Variants in RANBP2 observed in about 807,000 individuals in gnomAD.
RANBP2 encodes the protein RAN binding protein 2.
Under a neutral mutation model 303.6 loss-of-function variants are expected in RANBP2, and 57 were observed. The observed-to-expected ratio is 0.19, with a 90% CI of 0.15 to 0.23. RANBP2 has a LOEUF of 0.23. Ranked by LOEUF, RANBP2 falls within the 10% of genes least tolerant of loss-of-function variation. The probability of loss-of-function intolerance (pLI) is 1.00; values close to 1 mark genes in which losing one functional copy is unlikely to be tolerated. For synonymous variants in RANBP2, 1,167 were observed against 1,301.5 expected, an observed-to-expected ratio of 0.90 and a Z score of 2.23; for missense variants, 3,138 against 3,780.8, an observed-to-expected ratio of 0.83 and a Z score of 4.46.
the RANBP2 span, among the ~76,000 whole-genome samples, chr2:109,243,224 T>C: frequency 0.055 from 8,400 of 152,326 alleles, 498 homozygotes; most frequent in East Asian, 0.32. Context: ...GCAGATCCCC[T>C]GCCTCAGTAG....
chr2:108,901,975 C>T, the RANBP2 span, among the ~76,000 whole-genome samples: 1 of 151,870 alleles, frequency 6.6e-6, no homozygotes, highest in Non-Finnish European at 1.5e-5. Context: ...CATGGTGGCT[C>T]AAGCCTGTAA....
the RANBP2 span, among the ~76,000 whole-genome samples, chr2:109,219,629 A>C: frequency 1.3e-5 from 2 of 152,242 alleles, no homozygotes; most frequent in Non-Finnish European, 2.9e-5. Flanking sequence ...TAAAGCTCAC[A>C]GTTCAGTTGT....
At chr2:109,448,407 T>C in the RANBP2 span, among the ~76,000 whole-genome samples, 1 of 152,218 alleles carries the variant, frequency 6.6e-6, no homozygotes, top group South Asian at 2.1e-4. Flanking sequence ...AGGTTGTGAG[T>C]GGTGGGTGAG....
chr2:109,505,242 G>C, the RANBP2 span, among the ~76,000 whole-genome samples: 1 of 152,218 alleles, frequency 6.6e-6, no homozygotes, highest in South Asian at 2.1e-4. Context: ...GCAGAGGGCT[G>C]GGCCGCCAGC....
chr2:108,761,692 T>C (rs1676740772), intron 18 of RANBP2, among the ~76,000 whole-genome samples: 2 of 152,150 alleles, frequency 1.3e-5, no homozygotes, highest in African/African-American at 2.4e-5. Context: ...CTAGTCTTTC[T>C]GCAGATTTTC....
chr2:109,617,555 C>T, the RANBP2 span: 216 of 167,048 alleles, frequency 1.3e-3, 1 homozygote, highest in Non-Finnish European at 2.3e-3. Context: ...TCTTTTGGGT[C>T]GCGTAGTTGC....
chr2:109,701,060 A>G, the RANBP2 span, among the ~76,000 whole-genome samples: 1 of 152,210 alleles, frequency 6.6e-6, no homozygotes, highest in East Asian at 1.9e-4. Context: ...ACGCGTTCAC[A>G]GGAGATGGGC....
the RANBP2 span, among the ~76,000 whole-genome samples, chr2:109,723,380 C>T: frequency 1.3e-5 from 2 of 152,160 alleles, no homozygotes; most frequent in African/African-American, 4.8e-5. Flanking sequence ...AAACTCCTGA[C>T]CTCAAGTGAT....
At chr2:108,843,426 G>A in the RANBP2 span, among the ~76,000 whole-genome samples, 1 of 152,200 alleles carries the variant, frequency 6.6e-6, no homozygotes, top group South Asian at 2.1e-4. Flanking sequence ...CCAAAGTGCT[G>A]GGATTACAGG....
At chr2:109,184,672 G>T in the RANBP2 span, among the ~76,000 whole-genome samples, 1 of 152,190 alleles carries the variant, frequency 6.6e-6, no homozygotes, top group Non-Finnish European at 1.5e-5. Context: ...CCCACACTGG[G>T]CTGCCTGCTT....
the RANBP2 span, among the ~76,000 whole-genome samples, chr2:109,090,865 C>A: frequency 6.6e-6 from 1 of 152,120 alleles, no homozygotes; most frequent in Admixed American, 6.6e-5. Flanking sequence ...TGATTTCCAT[C>A]CTCTACTCAA....
At chr2:109,261,924 G>A in the RANBP2 span, among the ~76,000 whole-genome samples, 3 of 152,014 alleles carry the variant, frequency 2.0e-5, no homozygotes, top group East Asian at 3.9e-4. Flanking sequence ...AGTGTGGTGT[G>A]TATTAAGATC....
At chr2:109,608,546 G>A in the RANBP2 span, among the ~76,000 whole-genome samples, 1 of 152,178 alleles carries the variant, frequency 6.6e-6, no homozygotes, top group Non-Finnish European at 1.5e-5. Flanking sequence ...GTGAGGAGGG[G>A]CTGGGGAGCC....
chr2:109,629,310 T>G, the RANBP2 span, among the ~76,000 whole-genome samples: 22 of 3,764 alleles, frequency 5.8e-3, no homozygotes, highest in South Asian at 0.035. Context: ...AAGATATATA[T>G]ATATATATAT....
chr2:109,369,034 G>A, the RANBP2 span, among the ~76,000 whole-genome samples: 52 of 152,246 alleles, frequency 3.4e-4, no homozygotes, highest in African/African-American at 1.1e-3. Context: ...TAGTGTCCTC[G>A]TGGTGTTTAG....
the RANBP2 span, among the ~76,000 whole-genome samples, chr2:109,228,603 T>A: frequency 2.6e-5 from 4 of 152,304 alleles, no homozygotes; most frequent in South Asian, 8.3e-4. Context: ...CAGAGGCCAG[T>A]TGCAAGAGGT....
the RANBP2 span, among the ~76,000 whole-genome samples, chr2:108,941,494 C>T: frequency 2.0e-5 from 3 of 152,170 alleles, no homozygotes; most frequent in East Asian, 5.8e-4. Flanking sequence ...CTTTGAGGGG[C>T]TTCCTGGCGA....
intron 13 of RANBP2, 73 bp downstream of exon 13, chr2:108,753,232 A>G: frequency 6.2e-6 from 10 of 1,608,816 alleles, no homozygotes; most frequent in Non-Finnish European, 8.5e-6. Flanking sequence ...AGAGCTATAC[A>G]CTGCTTAAAT....
the RANBP2 span, among the ~76,000 whole-genome samples, chr2:109,004,789 T>G: frequency 9.2e-5 from 14 of 152,308 alleles, no homozygotes; most frequent in East Asian, 2.7e-3. Flanking sequence ...CTGCGGAGCC[T>G]ATCACTGCTT....
Sources: allele counts gnomAD v4.1 joint callset (sites outside exome capture counted in the v4.1 genomes callset), GRCh38; gene constraint gnomAD v4.1.1; transcripts MANE v1.5; gene names NCBI Gene and HGNC (gene_info 2026-07-23, HGNC 2026-07-21).